Variants in LTBP1 observed in about 807,000 individuals in gnomAD.
The protein encoded by LTBP1 is latent transforming growth factor beta binding protein 1.
In LTBP1, 129 loss-of-function variants were observed where a neutral mutation model predicts 207.6. That is an observed-to-expected ratio of 0.62 (90% confidence interval 0.54 to 0.72). The LOEUF (loss-of-function observed/expected upper bound fraction) is 0.72, where lower values mean the gene tolerates loss of function less well. LTBP1 is among the 30% of genes least tolerant of loss of function. The pLI, the probability that LTBP1 is intolerant of heterozygous loss-of-function variation, is 0.00. For missense variants in LTBP1, 2,281 were observed against 2,217.2 expected (o/e 1.03, Z -0.58); for synonymous variants, 963 against 833.7 (o/e 1.16, Z -2.67).
At chr2:33,326,690 G>T (rs976888698) in intron 24 of LTBP1, among the ~76,000 whole-genome samples, 1 of 75,504 alleles carries the variant, frequency 1.3e-5, no homozygotes, top group African/African-American at 6.7e-5. Context: ...GCCGAATCTC[G>T]CTCTGTTACT....
chr2:33,336,030 A>G (rs10495785), intron 24 of LTBP1, among the ~76,000 whole-genome samples: 6,602 of 152,184 alleles, frequency 0.043, 223 homozygotes, highest in Admixed American at 0.056. Flanking sequence ...CTTTCTTCCA[A>G]GGGTCTCCTA....
intron 24 of LTBP1, among the ~76,000 whole-genome samples, chr2:33,320,382 G>A (rs552491010): frequency 6.8e-6 from 1 of 147,940 alleles, no homozygotes; most frequent in Non-Finnish European, 1.5e-5. Flanking sequence ...AAAAAAAAGC[G>A]TGATAAACTC....
chr2:33,049,587 T>A (rs1031733294), intron 3 of LTBP1, among the ~76,000 whole-genome samples: 1 of 152,178 alleles, frequency 6.6e-6, no homozygotes, highest in Non-Finnish European at 1.5e-5. Context: ...ACATTTTTAG[T>A]GATAAAAAGG....
chr2:33,313,868 A>G (rs1412337165), intron 23 of LTBP1, among the ~76,000 whole-genome samples: 2 of 152,212 alleles, frequency 1.3e-5, no homozygotes, highest in Non-Finnish European at 1.5e-5. Flanking sequence ...AGGGACACAG[A>G]TGAGTAAACC....
At chr2:33,124,706 T>C (rs1174336675) in intron 4 of LTBP1, among the ~76,000 whole-genome samples, 1 of 152,272 alleles carries the variant, frequency 6.6e-6, no homozygotes, top group Non-Finnish European at 1.5e-5. Flanking sequence ...TGAGCTTTTC[T>C]AACAGTTGCT....
chr2:33,191,022 C>T (rs1416845366), intron 7 of LTBP1, among the ~76,000 whole-genome samples: 1 of 152,136 alleles, frequency 6.6e-6, no homozygotes, highest in Non-Finnish European at 1.5e-5. Flanking sequence ...CTGAACTAGT[C>T]TTGGAGAGGG....
intron 32 of LTBP1, among the ~76,000 whole-genome samples, chr2:33,392,267 C>G (rs1010158124): frequency 2.0e-5 from 3 of 152,058 alleles, no homozygotes; most frequent in Admixed American, 1.3e-4. Flanking sequence ...TCACTGCAAC[C>G]TCCACTTCCT....
chr2:33,390,806 A>G (rs1474278318), intron 32 of LTBP1, among the ~76,000 whole-genome samples: 2 of 152,086 alleles, frequency 1.3e-5, no homozygotes, highest in Non-Finnish European at 2.9e-5. Context: ...TTTTTAAGAT[A>G]GGTAATTGCT....
chr2:32,967,865 T>A (rs1309703494), intron 2 of LTBP1, among the ~76,000 whole-genome samples: 1 of 152,218 alleles, frequency 6.6e-6, no homozygotes, highest in Non-Finnish European at 1.5e-5. Context: ...TCCAATTATG[T>A]CCTTACTGAT....
chr2:33,276,921 C>T (rs919876913), intron 18 of LTBP1, among the ~76,000 whole-genome samples: 2 of 152,180 alleles, frequency 1.3e-5, no homozygotes, highest in African/African-American at 4.8e-5. Context: ...AAGAAATACA[C>T]TGACCTTCTG....
intron 5 of LTBP1, among the ~76,000 whole-genome samples, chr2:33,170,518 G>A (rs1433717132): frequency 2.0e-5 from 3 of 152,220 alleles, no homozygotes; most frequent in Non-Finnish European, 4.4e-5. Flanking sequence ...GAACTGGGTG[G>A]AGCCCACCAC....
intron 7 of LTBP1, among the ~76,000 whole-genome samples, chr2:33,197,464 A>G (rs2088689228): frequency 6.6e-6 from 1 of 152,196 alleles, no homozygotes; most frequent in East Asian, 1.9e-4. Context: ...TGTGGTAGTT[A>G]TCATCTCTGA....
Position 33,254,852 on chromosome 2 carries a change from G to GTTTTTT in LTBP1, c.2167+2034_2167+2039dup, listed in dbSNP as rs70938393. Among the ~76,000 whole-genome samples, 72 of 10,368 alleles carry GTTTTTT rather than the reference G, an allele frequency of 6.9e-3. 6 individuals carry two copies. The highest frequency in any genetic ancestry group is 0.023 in the African/African-American group (43 of 1,844). 6.8% of individuals were successfully genotyped at this position (10,368 alleles called of 152,430 possible). On this transcript the variant is annotated intron_variant, in intron 11 of 33. Coordinates refer to ENST00000404816, the MANE Select transcript of LTBP1 (RefSeq NM_206943.4). ...TATGAGTGAGAACATGCGGTGTTTG[G>GTTTTTT]TTTTTTTTTTTTTTTTTTTTTTTTT...
intron 12 of LTBP1, among the ~76,000 whole-genome samples, chr2:33,259,357 A>G (rs2092949917): frequency 6.6e-6 from 1 of 152,224 alleles, no homozygotes; most frequent in Non-Finnish European, 1.5e-5. Context: ...AGACTTGTTC[A>G]CATCTTCTCC....
intron 3 of LTBP1, among the ~76,000 whole-genome samples, chr2:33,099,833 T>C (rs1318048586): frequency 6.6e-6 from 1 of 152,200 alleles, no homozygotes; most frequent in Non-Finnish European, 1.5e-5. Context: ...AGGTGCTGGC[T>C]AGTAAGAGGG....
intron 2 of LTBP1, among the ~76,000 whole-genome samples, chr2:32,960,533 A>C (rs1321978504): frequency 6.6e-6 from 1 of 152,162 alleles, no homozygotes; most frequent in African/African-American, 2.4e-5. Flanking sequence ...CAATTTTAGA[A>C]TCTTTCTGCT....
intron 3 of LTBP1, among the ~76,000 whole-genome samples, chr2:33,078,629 A>T (rs1421897768): frequency 1.3e-5 from 2 of 152,200 alleles, no homozygotes; most frequent in Non-Finnish European, 2.9e-5. Context: ...TTTATAATCC[A>T]GGCAGATTTT....
chr2:33,358,403 G>A (rs960673591), intron 26 of LTBP1, among the ~76,000 whole-genome samples: 6 of 151,612 alleles, frequency 4.0e-5, no homozygotes, highest in Non-Finnish European at 8.8e-5. Context: ...ATATATATGT[G>A]TGTGTGTTTA....
In LTBP1 at chr2:33,342,955, G is replaced by C. The variant is rs1180492484; in HGVS notation, c.3848G>C (p.Gly1283Ala). 1 of 1,610,238 alleles carries C rather than the reference G, an allele frequency of 6.2e-7. No individual in the cohort carries two copies. Among genetic ancestry groups the C allele is most frequent in the Non-Finnish European group, 8.5e-7 (1 of 1,178,218 alleles). Residue 1283 changes from glycine to alanine, a missense_variant, in exon 25 of 34, where the codon GGG becomes GCG. By Grantham distance (60) the Gly-to-Ala change is moderately conservative. This residue lies in a region of LTBP1 where 1,671 missense variants were observed against 1,634.8 expected (regional missense o/e 1.02). Coordinates refer to ENST00000404816, the MANE Select transcript of LTBP1 (RefSeq NM_206943.4). Reference sequence around the variant, plus strand: ...TTTCAAGCCCCACAGGATGGGCAAGGGTGTGTGGGTGAGTTTTTAGATTTT... The same window carrying C: ...TTTCAAGCCCCACAGGATGGGCAAGCGTGTGTGGGTGAGTTTTTAGATTTT... ...QGFQAPQDGQ[G>A]CVDVNECELL...
Sources: gnomAD v4.1 joint callset for allele counts (sites outside exome capture counted in the v4.1 genomes callset) on GRCh38, gnomAD v4.1.1 for gene constraint, gnomAD v4.1.1 regional missense constraint, MANE v1.5 for transcripts, NCBI Gene and HGNC (gene_info 2026-07-23, HGNC 2026-07-21) for gene names.